Variants in ABI3BP observed in about 807,000 individuals in gnomAD.
ABI3BP encodes the protein target of Nesh-SH3.
A neutral mutation model predicts 268.6 loss-of-function variants in ABI3BP; 216 were observed. The observed-to-expected ratio is 0.80, with a 90% CI of 0.72 to 0.90. The LOEUF (loss-of-function observed/expected upper bound fraction) is 0.90, where lower values mean the gene tolerates loss of function less well. ABI3BP is among the 40% of genes least tolerant of loss of function. ABI3BP has a pLI of 0.00. For missense variants in ABI3BP, 2,090 were observed against 2,182.4 expected (o/e 0.96, Z 0.84); for synonymous variants, 730 against 730.0 (o/e 1.00, Z 0.00).
intron 50 of ABI3BP, among the ~76,000 whole-genome samples, chr3:100,805,313 G>A (rs1477867530): frequency 6.6e-6 from 1 of 152,024 alleles, no homozygotes; most frequent in African/African-American, 2.4e-5. Flanking sequence ...GTCCTCTTGG[G>A]CAACAGCAGA....
At chr3:100,982,410 T>A (rs919701546) in intron 1 of ABI3BP, among the ~76,000 whole-genome samples, 2 of 152,072 alleles carry the variant, frequency 1.3e-5, no homozygotes, top group Non-Finnish European at 2.9e-5. Context: ...TAATGAAAGC[T>A]AAAGAGGACT....
At chr3:100,905,089 T>G (rs2052654898) in intron 2 of ABI3BP, among the ~76,000 whole-genome samples, 1 of 152,062 alleles carries the variant, frequency 6.6e-6, no homozygotes, top group Non-Finnish European at 1.5e-5. Flanking sequence ...CCATAAAAAA[T>G]GATGAGTTCA....
intron 57 of ABI3BP, among the ~76,000 whole-genome samples, chr3:100,786,866 CAG>C (rs2097064195): frequency 6.6e-6 from 1 of 152,062 alleles, no homozygotes; most frequent in Non-Finnish European, 1.5e-5. Context: ...CCTAGAAATT[CAG>C]AGACTGTAAT....
At chr3:100,946,788 CA>C (rs71800962) in intron 1 of ABI3BP, among the ~76,000 whole-genome samples, 16,908 of 86,982 alleles carry the variant, frequency 0.19, 921 homozygotes, top group Middle Eastern at 0.32. Context: ...AACTCCGTTT[CA>C]AAAAAAAAAA....
chr3:100,771,981 T>A (rs182054839), intron 61 of ABI3BP, among the ~76,000 whole-genome samples: 111 of 152,110 alleles, frequency 7.3e-4, no homozygotes, highest in African/African-American at 2.5e-3. Context: ...AAACAAGTGA[T>A]AAAGAGAAAA....
chr3:100,795,855 T>A lies in ABI3BP; in HGVS notation c.3818-4A>T, dbSNP rs746720368. 7.8e-7 allele frequency: 1 copy of A among 1,285,308 alleles called. No homozygotes were observed. The highest frequency in any genetic ancestry group is 1.5e-5 in the African/African-American group (1 of 65,502). The allele number at this position is 1,285,308 out of a possible 1,614,324, so 79.6% of individuals were successfully genotyped here. A position where few individuals can be genotyped will look rare whatever the true frequency, so the allele number is the denominator to read the frequency against. The stretch of plus-strand genomic sequence containing the variant: ...CTAAAGGTAACAGGCTGCAGAACTA[T>A]GCCAAAAGCAAGCCAAAGGAACATA... On this transcript the variant is annotated splice_polypyrimidine_tract_variant and splice_region_variant and intron_variant, in intron 52 of 67. Transcript: ENST00000471714.
At chr3:100,982,255 AGACAAGATTTGGGTGG>A (rs2089900898) in intron 1 of ABI3BP, among the ~76,000 whole-genome samples, 1 of 152,144 alleles carries the variant, frequency 6.6e-6, no homozygotes, top group African/African-American at 2.4e-5. Flanking sequence ...TTACAATTCG[AGACAAGATTTGGGTGG>A]GAACACAGAG....
At chr3:100,963,482 C>T (rs1227766804) in intron 1 of ABI3BP, among the ~76,000 whole-genome samples, 1 of 152,194 alleles carries the variant, frequency 6.6e-6, no homozygotes, top group Non-Finnish European at 1.5e-5. Flanking sequence ...CAAGCCACCA[C>T]CATCTCTTAC....
intron 2 of ABI3BP, among the ~76,000 whole-genome samples, chr3:100,924,600 T>C (rs1365641076): frequency 6.6e-6 from 1 of 152,156 alleles, no homozygotes; most frequent in Admixed American, 6.6e-5. Flanking sequence ...TAATACTCTT[T>C]CCTTGGTTGT....
intron 6 of ABI3BP, 81 bp from the exon 7 acceptor site, chr3:100,876,641 T>A: frequency 3.1e-6 from 4 of 1,285,578 alleles, no homozygotes; most frequent in Non-Finnish European, 4.5e-6. Context: ...GAACTGGAAG[T>A]AGCCCTTTCT....
chr3:100,779,333 T>A (rs2096799128), intron 58 of ABI3BP, among the ~76,000 whole-genome samples: 1 of 152,204 alleles, frequency 6.6e-6, no homozygotes, highest in Non-Finnish European at 1.5e-5. Flanking sequence ...CATCCACTTA[T>A]GAGCTCTCAT....
intron 29 of ABI3BP, 141 bp downstream of exon 29, chr3:100,834,543 A>G: frequency 1.5e-6 from 1 of 678,306 alleles, no homozygotes; most frequent in Non-Finnish European, 2.5e-6. Flanking sequence ...TCGCCAGAGC[A>G]CTGTGTTGGT....
intron 1 of ABI3BP, among the ~76,000 whole-genome samples, chr3:100,944,766 A>G (rs972615690): frequency 6.6e-6 from 1 of 152,152 alleles, no homozygotes; most frequent in African/African-American, 2.4e-5. Context: ...ATACTTGTTC[A>G]TTTGGAGATT....
chr3:100,871,273 A>C (rs2099106700), intron 9 of ABI3BP, among the ~76,000 whole-genome samples: 1 of 152,192 alleles, frequency 6.6e-6, no homozygotes, highest in Non-Finnish European at 1.5e-5. Flanking sequence ...AAAAAACTTC[A>C]TCTTGGATGC....
intron 63 of ABI3BP, among the ~76,000 whole-genome samples, chr3:100,765,592 TG>T (rs983913495): frequency 6.6e-6 from 1 of 152,208 alleles, no homozygotes; most frequent in African/African-American, 2.4e-5. Flanking sequence ...TGGTATCAGA[TG>T]TTTTTTTAAA....
chr3:100,750,004 T>C lies in ABI3BP; in HGVS notation c.*491A>G. On this transcript the variant is annotated 3_prime_UTR_variant, in exon 68 of 68. Transcript: ENST00000471714. ...AATATAAAAAATTGAAGTTTAAATATAAATGTGAAAATTCGGACCTTTTTT... is the reference window on the plus strand; with the variant it reads ...AATATAAAAAATTGAAGTTTAAATACAAATGTGAAAATTCGGACCTTTTTT... The C allele has an allele frequency of 8.9e-6, 3 of 337,726 alleles. No homozygotes were observed. The highest frequency in any genetic ancestry group is 4.5e-5 in the East Asian group (1 of 22,356). The allele number at this position is 337,726 out of a possible 1,614,324, so 20.9% of individuals were successfully genotyped here. A position where few individuals can be genotyped will look rare whatever the true frequency, so the allele number is the denominator to read the frequency against.
chr3:100,882,446 A>T (rs1015242976), intron 6 of ABI3BP, among the ~76,000 whole-genome samples: 2 of 143,730 alleles, frequency 1.4e-5, no homozygotes, highest in African/African-American at 5.0e-5. Context: ...TATATATATA[A>T]TATATATATA....
chr3:100,762,994 G>T (rs2096059225), intron 63 of ABI3BP, among the ~76,000 whole-genome samples: 1 of 152,108 alleles, frequency 6.6e-6, no homozygotes, highest in Admixed American at 6.6e-5. Flanking sequence ...TAATGATTTT[G>T]ATATCCTGAT....
chr3:100,813,698 C>T lies in ABI3BP; in HGVS notation c.3327G>A (p.Val1109=). 6.5e-7 allele frequency: 1 copy of T among 1,535,302 alleles called. No homozygotes were observed. ...TELQTLILKP[V]TSPSLEMTES... ...CTGTCATTTCTAGGCTTGGTGATGTCACTGGTTTCAAAATAAGAGTTTGCA... is the reference window on the plus strand; with the variant it reads ...CTGTCATTTCTAGGCTTGGTGATGTTACTGGTTTCAAAATAAGAGTTTGCA... The change falls in exon 45 of 68, where the codon GTG becomes GTA. Residue 1109 remains valine (V), a synonymous_variant. Transcript: ENST00000471714.
Sources: allele counts gnomAD v4.1 joint callset (sites outside exome capture counted in the v4.1 genomes callset), GRCh38; gene constraint gnomAD v4.1.1; transcripts MANE v1.5; gene names NCBI Gene and HGNC (gene_info 2026-07-23, HGNC 2026-07-21).